The following NEDD9 variants were observed in gnomAD, a reference collection of about 807,000 sequenced individuals.
NEDD9 encodes neural precursor cell expressed, developmentally down-regulated 9.
Under a neutral mutation model 76.6 loss-of-function variants are expected in NEDD9, and 26 were observed. The observed-to-expected ratio is 0.34, with a 90% CI of 0.25 to 0.47. The LOEUF is 0.47. Among genes scored for constraint, NEDD9 ranks in the 20% least tolerant of loss-of-function variants. The pLI is 1.00. For synonymous variants in NEDD9, 392 were observed against 414.2 expected (o/e 0.95, Z 0.65); for missense variants, 937 against 1,058.5 (o/e 0.89, Z 1.59).
intron 2 of NEDD9, among the ~76,000 whole-genome samples, chr6:11,319,110 A>G (rs1452927919): frequency 6.6e-6 from 1 of 152,260 alleles, no homozygotes; most frequent in African/African-American, 2.4e-5. Context: ...GGTTGTGCAG[A>G]TGCCATGTGG....
In NEDD9 at chr6:11,190,599, C is replaced by A; in HGVS notation, c.1270G>T (p.Val424Phe). The stretch of plus-strand genomic sequence containing the variant: ...GTGACCAGTGCCATTAGGCTGGAGA[C>A]ACCCATCTCAAGGGCCTGCTGGAGC... ...QRLQQALEMG[V>F]SSLMALVTTD... The change falls in exon 5 of 7, where the codon GTC becomes TTC. Residue 424 changes from valine to phenylalanine, a missense_variant. Coordinates refer to ENST00000379446, the MANE Select transcript of NEDD9 (RefSeq NM_006403.4). This position sits in a 1 kb window ranked among gnomAD's most constrained non-coding sequence, Gnocchi z 5.8. The A allele has an allele frequency of 6.2e-7, 1 of 1,614,188 alleles. No homozygotes were observed. The highest frequency in any genetic ancestry group is 1.6e-4 in the Middle Eastern group (1 of 6,062).
At chr6:11,211,192 G>C (rs1758781068) in intron 2 of NEDD9, among the ~76,000 whole-genome samples, 1 of 152,190 alleles carries the variant, frequency 6.6e-6, no homozygotes, top group Non-Finnish European at 1.5e-5. Flanking sequence ...GAGTGCCCGA[G>C]GGTCACCCCA....
At chr6:11,200,263 A>C (rs760307397) in intron 2 of NEDD9, 1 of 457,066 alleles carries the variant, frequency 2.2e-6, no homozygotes, top group African/African-American at 2.0e-5. Context: ...AACTGGAAGT[A>C]AACCCACCCT....
chr6:11,200,083 T>C (rs1561784457), intron 2 of NEDD9: 2 of 219,402 alleles, frequency 9.1e-6, no homozygotes, highest in Non-Finnish European at 1.9e-5. Flanking sequence ...CCTGGGGGCA[T>C]TTGCTATTTT....
intron 3 of NEDD9, among the ~76,000 whole-genome samples, chr6:11,294,364 T>C (rs572434457): frequency 1.1e-3 from 160 of 152,228 alleles, no homozygotes; most frequent in African/African-American, 3.6e-3. Context: ...GTGGGAAATG[T>C]TGGATCATGG....
intron 1 of NEDD9, among the ~76,000 whole-genome samples, chr6:11,371,729 G>C (rs774827416): frequency 6.6e-6 from 1 of 152,110 alleles, no homozygotes; most frequent in South Asian, 2.1e-4. Flanking sequence ...GTACATCAAC[G>C]TGTGCTACAC....
At chr6:11,273,018 T>G (rs769311142) in intron 3 of NEDD9, among the ~76,000 whole-genome samples, 2 of 152,108 alleles carry the variant, frequency 1.3e-5, no homozygotes, top group Non-Finnish European at 2.9e-5. Flanking sequence ...AGATAGGGTC[T>G]GGTGAATATA....
intron 1 of NEDD9, among the ~76,000 whole-genome samples, chr6:11,377,902 A>G (rs1582057953): frequency 6.6e-6 from 1 of 152,160 alleles, no homozygotes; most frequent in African/African-American, 2.4e-5. Context: ...AATTAACACC[A>G]TCTATCTGGT....
intron 2 of NEDD9, among the ~76,000 whole-genome samples, chr6:11,208,248 T>C (rs1459195865): frequency 2.0e-5 from 3 of 151,928 alleles, no homozygotes; most frequent in Non-Finnish European, 2.9e-5. Context: ...CTTGTCTAAA[T>C]TGGGCAAAAT....
At chr6:11,301,147 G>C (rs1761035719) in intron 3 of NEDD9, among the ~76,000 whole-genome samples, 1 of 152,142 alleles carries the variant, frequency 6.6e-6, no homozygotes, top group South Asian at 2.1e-4. Flanking sequence ...ACGCACATAG[G>C]CTCAAAATAA....
At chr6:11,310,082 C>T (rs1582016452) in intron 2 of NEDD9, among the ~76,000 whole-genome samples, 1 of 152,258 alleles carries the variant, frequency 6.6e-6, no homozygotes, top group Non-Finnish European at 1.5e-5. Flanking sequence ...ATGCTCTGAG[C>T]GTTGTGGCAG....
At chr6:11,261,174 G>C (rs868718080) in intron 3 of NEDD9, among the ~76,000 whole-genome samples, 1 of 152,132 alleles carries the variant, frequency 6.6e-6, no homozygotes, top group South Asian at 2.1e-4. Flanking sequence ...TAATAATAAC[G>C]ATAATGATGA....
chr6:11,221,517 C>T (rs141699652), intron 1 of NEDD9, among the ~76,000 whole-genome samples: 1 of 152,216 alleles, frequency 6.6e-6, no homozygotes, highest in African/African-American at 2.4e-5. Context: ...TAAGAAGGAA[C>T]CATTCTAACC....
At chr6:11,186,884 G>T (rs993603034) in intron 6 of NEDD9, among the ~76,000 whole-genome samples, 1 of 152,154 alleles carries the variant, frequency 6.6e-6, no homozygotes, top group African/African-American at 2.4e-5. Context: ...CCAAAGTGCT[G>T]GGATTACAGG....
chr6:11,353,387 C>T (rs940570773), intron 1 of NEDD9, among the ~76,000 whole-genome samples: 17 of 152,248 alleles, frequency 1.1e-4, no homozygotes, highest in Non-Finnish European at 4.4e-5. Flanking sequence ...GTGAAAGAGA[C>T]GCAGAGGGAG....
At chr6:11,211,256 C>G (rs892942837) in intron 2 of NEDD9, among the ~76,000 whole-genome samples, 1 of 152,220 alleles carries the variant, frequency 6.6e-6, no homozygotes, top group Non-Finnish European at 1.5e-5. Context: ...TATCTCTGCC[C>G]TCTGGAAGGA....
chr6:11,236,050 T>TGTC (rs1759592671), upstream of NEDD9, among the ~76,000 whole-genome samples: 1 of 152,228 alleles, frequency 6.6e-6, no homozygotes, highest in Non-Finnish European at 1.5e-5. This position sits in a 1 kb window ranked among gnomAD's most constrained non-coding sequence, Gnocchi z 5.5. Flanking sequence ...TGTCATTTAG[T>TGTC]ATGTTGCCCT....
At chr6:11,315,169 T>C (rs909383637) in intron 2 of NEDD9, among the ~76,000 whole-genome samples, 2 of 152,250 alleles carry the variant, frequency 1.3e-5, no homozygotes, top group East Asian at 3.8e-4. Flanking sequence ...CTGACTTGTC[T>C]TCCTTAGCAA....
intron 1 of NEDD9, among the ~76,000 whole-genome samples, chr6:11,369,900 G>C (rs1008545678): frequency 6.6e-6 from 1 of 152,212 alleles, no homozygotes; most frequent in Admixed American, 6.5e-5. Context: ...TCAATATCAT[G>C]CTCAACTGCA....
Sources: gnomAD v4.1 joint callset for allele counts (sites outside exome capture counted in the v4.1 genomes callset) on GRCh38, gnomAD v4.1.1 for gene constraint, Gnocchi (gnomAD v3.1) non-coding constraint, MANE v1.5 for transcripts, NCBI Gene and HGNC (gene_info 2026-07-23, HGNC 2026-07-21) for gene names.